Variants in MPP7 observed in about 807,000 individuals in gnomAD.
The protein encoded by MPP7 is MAGUK p55 subfamily member 7.
Under a neutral mutation model 76.5 loss-of-function variants are expected in MPP7, and 60 were observed. That is an observed-to-expected ratio of 0.78 (90% CI 0.64 to 0.97). The LOEUF (loss-of-function observed/expected upper bound fraction) is 0.97. MPP7 is among the 50% of genes least tolerant of loss of function. The probability of loss-of-function intolerance (pLI) is 0.00; values close to 1 mark genes in which losing one functional copy is unlikely to be tolerated. For missense variants in MPP7, 641 were observed against 694.0 expected, an observed-to-expected ratio of 0.92 and a Z score of 0.86; for synonymous variants, 237 against 244.5, an observed-to-expected ratio of 0.97 and a Z score of 0.29.
chr10:28,248,671 A>G (rs958215070), intron 1 of MPP7, among the ~76,000 whole-genome samples: 1 of 152,154 alleles, frequency 6.6e-6, no homozygotes, highest in Admixed American at 6.5e-5. Context: ...ATCACACACC[A>G]CATATATGGC....
At chr10:28,171,024 T>C (rs1432358480) in intron 3 of MPP7, among the ~76,000 whole-genome samples, 1 of 152,180 alleles carries the variant, frequency 6.6e-6, no homozygotes, top group Admixed American at 6.6e-5. Context: ...ATTCCACAAA[T>C]TGTTCCAAAA....
chr10:28,281,317 G>A (rs1056729145), intron 1 of MPP7, among the ~76,000 whole-genome samples: 1 of 151,996 alleles, frequency 6.6e-6, no homozygotes, highest in African/African-American at 2.4e-5. Flanking sequence ...TCAAACTCCT[G>A]ATCTCAAGTG....
intron 2 of MPP7, among the ~76,000 whole-genome samples, chr10:28,329,564 G>A (rs1192627336): frequency 6.8e-6 from 1 of 146,172 alleles, no homozygotes; most frequent in African/African-American, 2.5e-5. Context: ...AGGAGGCAGA[G>A]CTTGCAGAGA....
At chr10:28,136,055 C>T (rs1273458006) in intron 5 of MPP7, among the ~76,000 whole-genome samples, 1 of 151,782 alleles carries the variant, frequency 6.6e-6, no homozygotes, top group Non-Finnish European at 1.5e-5. Context: ...GAGCGTGAAC[C>T]CTATTGTGAA....
chr10:28,195,993 T>A (rs1379101705), intron 3 of MPP7, among the ~76,000 whole-genome samples: 1 of 152,210 alleles, frequency 6.6e-6, no homozygotes, highest in Non-Finnish European at 1.5e-5. Flanking sequence ...CTTCTAAACG[T>A]TGATGACTCC....
chr10:28,193,910 G>A (rs371863662), intron 3 of MPP7, among the ~76,000 whole-genome samples: 3 of 151,298 alleles, frequency 2.0e-5, no homozygotes, highest in Non-Finnish European at 1.5e-5. Flanking sequence ...CACACCAAAC[G>A]CTGACAAGGC....
rs755858401 is a variant in MPP7 at position 28,147,490 on chromosome 10, T to C, written c.308A>G (p.Asn103Ser). The change falls in exon 5 of 17, where the codon AAT becomes AGT. Residue 103 changes from asparagine to serine, a missense_variant. By Grantham distance (46) the Asn-to-Ser change is conservative. Coordinates refer to ENST00000683449, the MANE Select transcript of MPP7 (RefSeq NM_001318170.2). ...RELLKLLSKP[N>S]VKALLSVHDT... ...GGCGTAACATGTCCTCACCTTCACA[T>C]TGGGTTTTGACAGTAGTTTCAACAG... 1.1e-5 allele frequency: 17 copies of C among 1,613,078 alleles called. No individual in the cohort carries two copies. The highest frequency in any genetic ancestry group is 1.3e-5 in the Non-Finnish European group (15 of 1,179,122).
intron 11 of MPP7, among the ~76,000 whole-genome samples, chr10:28,100,392 C>T (rs1853770083): frequency 1.3e-5 from 2 of 151,940 alleles, no homozygotes; most frequent in South Asian, 2.1e-4. Flanking sequence ...CTTACAGTAA[C>T]AAACAAGTAA....
At chr10:28,330,666 G>GT (rs1834462988) in intron 1 of MPP7, among the ~76,000 whole-genome samples, 1 of 152,090 alleles carries the variant, frequency 6.6e-6, no homozygotes, top group South Asian at 2.1e-4. Context: ...TTTGGTTTTG[G>GT]TTTTTTAAGA....
chr10:28,328,027 C>T (rs1209533407), intron 2 of MPP7, among the ~76,000 whole-genome samples: 1 of 152,110 alleles, frequency 6.6e-6, no homozygotes, highest in African/African-American at 2.4e-5. Context: ...CGTTTTTGTC[C>T]TCATGTACAG....
chr10:28,288,135 C>A (rs925503532), intron 1 of MPP7, among the ~76,000 whole-genome samples: 1 of 151,744 alleles, frequency 6.6e-6, no homozygotes, highest in Admixed American at 6.6e-5. Context: ...TATAGAGAAC[C>A]GCAAAAATGT....
At chr10:28,253,683 C>T (rs565271948) in intron 1 of MPP7, among the ~76,000 whole-genome samples, 4 of 152,168 alleles carry the variant, frequency 2.6e-5, no homozygotes, top group Non-Finnish European at 4.4e-5. Flanking sequence ...CTCAAGACAT[C>T]ATTTCTCAAT....
chr10:28,054,159 T>C lies in MPP7; in HGVS notation c.1637A>G (p.Asp546Gly), dbSNP rs756392948. The change falls in exon 17 of 17, where the codon GAT (aspartate) becomes GGT (glycine). Residue 546 changes from aspartate to glycine, a missense_variant. Transcript: ENST00000683449. Reference sequence around the variant, plus strand: ...CTCATTGAATGCCACAGTGAGGTCATCATTTATTATAATTTTGTCAAAAAG... The same window carrying C: ...CTCATTGAATGCCACAGTGAGGTCACCATTTATTATAATTTTGTCAAAAAG... ...GHLFDKIIIN[D>G]DLTVAFNELK... 2 of 1,608,626 alleles carry C rather than the reference T, an allele frequency of 1.2e-6. No individual in the cohort carries two copies. The highest frequency in any genetic ancestry group is 2.2e-5 in the East Asian group (1 of 44,844).
intron 11 of MPP7, among the ~76,000 whole-genome samples, chr10:28,105,851 T>G (rs1834306573): frequency 6.6e-6 from 1 of 152,164 alleles, no homozygotes; most frequent in South Asian, 2.1e-4. Flanking sequence ...AAGGCCTATT[T>G]TGCACAAACC....
At chr10:28,203,514 A>AAAC (rs1554851056) in intron 2 of MPP7, among the ~76,000 whole-genome samples, 30 of 147,498 alleles carry the variant, frequency 2.0e-4, no homozygotes, top group African/African-American at 6.4e-4. Context: ...AAAAAAAAAA[A>AAAC]AACCTTCTCT....
At chr10:28,171,714 C>G (rs185823491) in intron 3 of MPP7, among the ~76,000 whole-genome samples, 45 of 152,290 alleles carry the variant, frequency 3.0e-4, no homozygotes, top group Non-Finnish European at 4.4e-4. Context: ...ATAAACAAAT[C>G]AAGGGTAACA....
At chr10:28,312,600 C>T (rs1434280083) in intron 2 of MPP7, among the ~76,000 whole-genome samples, 5 of 152,096 alleles carry the variant, frequency 3.3e-5, no homozygotes, top group Admixed American at 2.6e-4. Context: ...GAACAAAATA[C>T]GTGAACACTT....
intron 2 of MPP7, among the ~76,000 whole-genome samples, chr10:28,233,245 C>G (rs1838949663): frequency 6.6e-6 from 1 of 152,154 alleles, no homozygotes; most frequent in African/African-American, 2.4e-5. Context: ...CTACAATGAT[C>G]CGTTTGCTAA....
At chr10:28,249,297 G>T (rs902206720) in intron 1 of MPP7, among the ~76,000 whole-genome samples, 13 of 152,018 alleles carry the variant, frequency 8.6e-5, no homozygotes, top group Admixed American at 8.5e-4. Flanking sequence ...ATATTAAAAG[G>T]TCACTATCTG....
Sources: gnomAD v4.1 joint callset for allele counts (sites outside exome capture counted in the v4.1 genomes callset) on GRCh38, gnomAD v4.1.1 for gene constraint, MANE v1.5 for transcripts, NCBI Gene and HGNC (gene_info 2026-07-23, HGNC 2026-07-21) for gene names.